Variants in BTK observed in about 807,000 individuals in gnomAD.
The protein encoded by BTK is tyrosine-protein kinase BTK.
A neutral mutation model predicts 57.4 loss-of-function variants in BTK; 5 were observed. The ratio of observed to expected loss-of-function variants is 0.09; its 90% confidence interval spans 0.05 to 0.18. The LOEUF is 0.18. Among genes scored for constraint, BTK ranks in the 10% least tolerant of loss-of-function variants. The pLI is 1.00. For synonymous variants in BTK, 154 were observed against 174.3 expected (o/e 0.88, Z 0.92); for missense variants, 194 against 501.2 (o/e 0.39, Z 5.85).
chrX:101,386,812 C>G (rs1444075415), upstream of BTK, among the ~76,000 whole-genome samples: 2 of 112,208 alleles, frequency 1.8e-5, no homozygotes, highest in Non-Finnish European at 3.8e-5. Flanking sequence ...TGGATGTTGA[C>G]TTTCTCCATT....
Position 101,356,834 on chromosome X carries a change from T to G in BTK, c.1299A>C (p.Lys433Asn). ...GQYDVAIKMIKEGSMSEDEFI... is the reference protein window; with the variant it reads ...GQYDVAIKMINEGSMSEDEFI... Reference sequence around the variant, plus strand: ...ATTCATCTTCAGACATGGAGCCTTCTTTGATCATCTTGATGGCCACGTCGT... The same window carrying G: ...ATTCATCTTCAGACATGGAGCCTTCGTTGATCATCTTGATGGCCACGTCGT... The change falls in exon 14 of 19, where the codon AAA becomes AAC. Residue 433 changes from lysine to asparagine, a missense_variant. Transcript: ENST00000308731. The G allele has an allele frequency of 8.3e-7, 1 of 1,211,878 alleles. No individual in the cohort carries two copies. Among genetic ancestry groups the G allele is most frequent in the Non-Finnish European group, 1.1e-6 (1 of 895,584 alleles).
chrX:101,384,922 C>T (rs1603026831), intron 1 of BTK, among the ~76,000 whole-genome samples: 1 of 111,692 alleles, frequency 9.0e-6, no homozygotes, highest in Admixed American at 9.6e-5. Context: ...ATATTATTTG[C>T]TCTAGGTAGG....
rs782775189 is a variant in BTK at position 101,375,698 on chromosome X, G to T, written c.-30-384C>A. Among the ~76,000 whole-genome samples, 31 of 112,557 alleles carry T rather than the reference G, an allele frequency of 2.8e-4. 1 individual carries two copies. Among genetic ancestry groups the T allele is most frequent in the Non-Finnish European group, 1.3e-4 (7 of 53,332 alleles). Reference sequence around the variant, plus strand: ...AAGTATCTGTGCAGCTGTTGATCTTGATATACCCAGAAGGGATAATGCAGG... The same window carrying T: ...AAGTATCTGTGCAGCTGTTGATCTTTATATACCCAGAAGGGATAATGCAGG... On this transcript the variant is annotated intron_variant, in intron 1 of 18. Coordinates refer to ENST00000308731, the MANE Select transcript of BTK (RefSeq NM_000061.3).
intron 12 of BTK, 116 bp from the exon 13 acceptor site, chrX:101,357,699 C>T (rs782395257): frequency 3.2e-6 from 2 of 624,748 alleles, no homozygotes; most frequent in Middle Eastern, 3.2e-4. Context: ...ATTTTGAATC[C>T]CAGAAGACCT....
chrX:101,377,469 A>G (rs1569297010), intron 1 of BTK, among the ~76,000 whole-genome samples: 2 of 111,513 alleles, frequency 1.8e-5, no homozygotes, highest in African/African-American at 3.3e-5. Flanking sequence ...AAGCATCCCA[A>G]CAAACCATGT....
At chrX:101,366,337 T>G (rs1781160316) in intron 5 of BTK, among the ~76,000 whole-genome samples, 1 of 111,324 alleles carries the variant, frequency 9.0e-6, no homozygotes, top group Non-Finnish European at 1.9e-5. Flanking sequence ...GTGCACAGAT[T>G]TAATGTGTAC....
chrX:101,349,617 C>T lies in BTK; in HGVS notation c.*268G>A, dbSNP rs910638273. 3 of 348,994 alleles carry T rather than the reference C, an allele frequency of 8.6e-6. No individual in the cohort carries two copies. The highest frequency in any genetic ancestry group is 1.5e-5 in the Non-Finnish European group (3 of 200,765). The allele number at this position is 348,994 out of a possible 1,213,427, so 28.8% of individuals were successfully genotyped here. A position where few individuals can be genotyped will look rare whatever the true frequency, so the allele number is the denominator to read the frequency against. On this transcript the variant is annotated 3_prime_UTR_variant, in exon 19 of 19. Transcript: ENST00000308731. ...ACCCCTTTGTGCGGCTATTTACATC[C>T]TCCCTCCTAAAAAATATTTTCATCG...
At chrX:101,364,179 C>T (rs1331586723) in intron 5 of BTK, among the ~76,000 whole-genome samples, 4 of 108,781 alleles carry the variant, frequency 3.7e-5, no homozygotes, top group African/African-American at 1.0e-4. Context: ...GAGGCAGAGG[C>T]GGGTAGATCA....
rs200337868 is a variant in BTK at position 101,360,767 on chromosome X, G to T, written c.589-12C>A. The T allele has an allele frequency of 8.3e-7, 1 of 1,203,985 alleles. No homozygotes were observed. Among genetic ancestry groups the T allele is most frequent in the East Asian group, 3.0e-5 (1 of 33,708 alleles). On this transcript the variant is annotated splice_polypyrimidine_tract_variant and intron_variant, in intron 7 of 18. Transcript: ENST00000308731. Reference sequence around the variant, plus strand: ...GGCTTTTTCAAGATCTATGTAGTTAGGAGAAAAGGTAGGAGGGTTTGTCAA... The same window carrying T: ...GGCTTTTTCAAGATCTATGTAGTTATGAGAAAAGGTAGGAGGGTTTGTCAA...
intron 5 of BTK, among the ~76,000 whole-genome samples, chrX:101,366,582 C>G (rs1204945759): frequency 8.9e-6 from 1 of 111,899 alleles, no homozygotes; most frequent in Non-Finnish European, 1.9e-5. Context: ...TAGGCTAACT[C>G]ACTATTGACA....
chrX:101,389,173 A>C (rs1357280507), upstream of BTK, among the ~76,000 whole-genome samples: 1 of 112,109 alleles, frequency 8.9e-6, no homozygotes, highest in Non-Finnish European at 1.9e-5. Context: ...GTGTTAATCA[A>C]TTTGACTGTG....
At chrX:101,368,561 A>G (rs1555979832) in intron 5 of BTK, among the ~76,000 whole-genome samples, 1 of 111,980 alleles carries the variant, frequency 8.9e-6, no homozygotes, top group African/African-American at 3.2e-5. Context: ...TAAATAGGGG[A>G]ATAATACATA....
At chrX:101,374,408 G>C in intron 3 of BTK, 128 bp downstream of exon 3, 1 of 583,626 alleles carries the variant, frequency 1.7e-6, no homozygotes, top group Non-Finnish European at 3.0e-6. Flanking sequence ...GTAGAGTGAA[G>C]AATTTTTAAA....
intron 1 of BTK, among the ~76,000 whole-genome samples, chrX:101,384,686 G>C (rs1422839111): frequency 8.9e-6 from 1 of 111,969 alleles, no homozygotes; most frequent in Non-Finnish European, 1.9e-5. Flanking sequence ...CAAGCAAGCA[G>C]TTTAAATAGT....
intron 3 of BTK, among the ~76,000 whole-genome samples, chrX:101,373,359 C>G (rs1927101611): frequency 8.9e-6 from 1 of 111,929 alleles, no homozygotes; most frequent in Non-Finnish European, 1.9e-5. Context: ...CTATCAAGTA[C>G]TTGTAGACAA....
chrX:101,352,922 T>C (rs1161445435), intron 18 of BTK: 6 of 264,547 alleles, frequency 2.3e-5, no homozygotes, highest in Non-Finnish European at 3.9e-5. Context: ...AAAAATTAGC[T>C]TGGTGTGGTG....
intron 18 of BTK, 27 bp downstream of exon 18, chrX:101,353,167 T>C (rs200762027): frequency 1.0e-4 from 123 of 1,198,453 alleles, no homozygotes; most frequent in Non-Finnish European, 1.4e-4. Context: ...AAGGAAATAA[T>C]TTAAGAGATC....
intron 10 of BTK, among the ~76,000 whole-genome samples, chrX:101,358,935 C>G (rs1229602169): frequency 9.0e-6 from 1 of 111,303 alleles, no homozygotes; most frequent in African/African-American, 3.3e-5. Flanking sequence ...GTCAGGAGTT[C>G]GAGACCAGCC....
At chrX:101,353,111 T>A in intron 18 of BTK, 83 bp downstream of exon 18, 3 of 831,254 alleles carry the variant, frequency 3.6e-6, no homozygotes, top group African/African-American at 2.1e-5. Flanking sequence ...TGTGCAGCTA[T>A]CAGTCTTTGG....
Sources: gnomAD v4.1 joint callset for allele counts (sites outside exome capture counted in the v4.1 genomes callset) on GRCh38, gnomAD v4.1.1 for gene constraint, MANE v1.5 for transcripts, NCBI Gene and HGNC (gene_info 2026-07-23, HGNC 2026-07-21) for gene names.